MCUB: variants seen among roughly 807,000 people sequenced by gnomAD.
MCUB encodes the protein mitochondrial calcium uniporter dominant negative subunit beta.
A neutral mutation model predicts 41.4 loss-of-function variants in MCUB; 46 were observed. The ratio of observed to expected loss-of-function variants is 1.11; its 90% CI spans 0.88 to 1.42. The LOEUF (loss-of-function observed/expected upper bound fraction) is 1.42. Ranked by LOEUF, MCUB falls within the 40% of genes most tolerant of loss-of-function variation. The pLI is 0.00. For missense variants in MCUB, 403 were observed against 404.9 expected, an observed-to-expected ratio of 1.00 and a Z score of 0.04; for synonymous variants, 148 against 148.2, an observed-to-expected ratio of 1.00 and a Z score of 0.01.
At chr4:109,562,929 G>T (rs1353719319) in intron 1 of MCUB, among the ~76,000 whole-genome samples, 1 of 152,170 alleles carries the variant, frequency 6.6e-6, no homozygotes, top group Non-Finnish European at 1.5e-5. Context: ...GTTTTTTAAA[G>T]AACACATTTA....
intron 1 of MCUB, among the ~76,000 whole-genome samples, chr4:109,651,906 G>A (rs553770339): frequency 1.3e-5 from 2 of 152,230 alleles, no homozygotes; most frequent in South Asian, 2.1e-4. Flanking sequence ...TGTGGAGGCC[G>A]TCTTCATCCC....
chr4:109,679,787 T>TTTGTTGTTGTTG (rs377253519), intron 4 of MCUB, among the ~76,000 whole-genome samples: 32 of 151,674 alleles, frequency 2.1e-4, no homozygotes, highest in African/African-American at 7.8e-4. Context: ...GAGGTATAAT[T>TTTGTTGTTGTTG]TTGTTGTTGT....
chr4:109,635,194 G>A (rs967932276), intron 1 of MCUB, among the ~76,000 whole-genome samples: 3 of 152,116 alleles, frequency 2.0e-5, no homozygotes, highest in African/African-American at 7.2e-5. Flanking sequence ...TCTTTATCCA[G>A]TCTATCATTG....
At chr4:109,604,591 G>A (rs1014512961) in intron 1 of MCUB, among the ~76,000 whole-genome samples, 1 of 152,126 alleles carries the variant, frequency 6.6e-6, no homozygotes, top group African/African-American at 2.4e-5. Flanking sequence ...TCCTTGTCGT[G>A]TTCCAGATCC....
chr4:109,619,393 C>A (rs1728204241), intron 1 of MCUB, among the ~76,000 whole-genome samples: 3 of 152,018 alleles, frequency 2.0e-5, no homozygotes, highest in Admixed American at 2.0e-4. Flanking sequence ...AAACCTCTTT[C>A]TATGATGTGT....
rs528290642 is a variant in MCUB, at chr4:109,662,781, G to C, written c.347-1509G>C. On this transcript the variant is annotated intron_variant, in intron 3 of 7. Transcript: ENST00000394650. ...GTCATTTACATGTAAATTTTTAAAT[G>C]ACACTTGGAAAGATAAAGCGATTGG... is the stretch of plus-strand genomic sequence containing the variant. Among the ~76,000 whole-genome samples the C allele has an allele frequency of 2.0e-5, 3 of 152,154 alleles. No homozygotes were observed. The South Asian group carries it at 6.2e-4, about 32-fold the overall frequency.
intron 1 of MCUB, among the ~76,000 whole-genome samples, chr4:109,642,564 A>T (rs1054721704): frequency 6.6e-6 from 1 of 152,238 alleles, no homozygotes; most frequent in Non-Finnish European, 1.5e-5. Flanking sequence ...TAGGCAAATT[A>T]TGCTAGTCCC....
chr4:109,616,390 C>T (rs527247559), intron 1 of MCUB, among the ~76,000 whole-genome samples: 1 of 152,310 alleles, frequency 6.6e-6, no homozygotes, highest in South Asian at 2.1e-4. Context: ...AATTTCTTCA[C>T]AGTACCCTAC....
At chr4:109,566,885 TGTTA>T (rs1336208213) in intron 1 of MCUB, among the ~76,000 whole-genome samples, 1 of 152,104 alleles carries the variant, frequency 6.6e-6, no homozygotes, top group Non-Finnish European at 1.5e-5. Flanking sequence ...ATATAGCAGA[TGTTA>T]GTTAGATTAA....
At chr4:109,631,525 G>C (rs953100098) in intron 1 of MCUB, among the ~76,000 whole-genome samples, 2 of 152,136 alleles carry the variant, frequency 1.3e-5, no homozygotes, top group Non-Finnish European at 2.9e-5. Flanking sequence ...CACAATACAT[G>C]TTCGCAGGAT....
chr4:109,659,185 CA>C, intron 2 of MCUB, 99 bp downstream of exon 2: 1 of 748,234 alleles, frequency 1.3e-6, no homozygotes. Context: ...ACTTTTCTTA[CA>C]CTATCCCCAT....
intron 1 of MCUB, among the ~76,000 whole-genome samples, chr4:109,597,401 G>T (rs1579056983): frequency 2.4e-5 from 3 of 127,034 alleles, no homozygotes; most frequent in South Asian, 5.4e-4. Flanking sequence ...GCGGCTGGCC[G>T]GGCGGGGGGC....
chr4:109,569,140 G>T (rs369063241), intron 1 of MCUB, among the ~76,000 whole-genome samples: 1 of 152,040 alleles, frequency 6.6e-6, no homozygotes, highest in East Asian at 1.9e-4. Flanking sequence ...TCCGCCTCCC[G>T]GGTTCACGCC....
intron 1 of MCUB, among the ~76,000 whole-genome samples, chr4:109,620,829 A>T (rs1318358125): frequency 1.3e-5 from 2 of 152,006 alleles, no homozygotes; most frequent in Non-Finnish European, 2.9e-5. Flanking sequence ...CTACTTTTAC[A>T]GGTTATGGGA....
chr4:109,673,576 A>G lies in MCUB; in HGVS notation c.452-9006A>G, dbSNP rs377369503. Among the ~76,000 whole-genome samples, 9 of 152,360 alleles carry G rather than the reference A, an allele frequency of 5.9e-5. No individual in the cohort carries two copies. The East Asian group carries it at 1.5e-3, about 26-fold the overall frequency. ...AGCAGGTATAGTTAGAAGGAAAACAATGGCAGAGGAATCATACTGGATTAA... is the reference window on the plus strand; with the variant it reads ...AGCAGGTATAGTTAGAAGGAAAACAGTGGCAGAGGAATCATACTGGATTAA... On this transcript the variant is annotated intron_variant, in intron 4 of 7. Transcript: ENST00000394650.
At chr4:109,640,892 A>G (rs550533238) in intron 1 of MCUB, among the ~76,000 whole-genome samples, 26 of 152,304 alleles carry the variant, frequency 1.7e-4, no homozygotes, top group African/African-American at 5.5e-4. Flanking sequence ...CTTTCAGTCT[A>G]CCTCAGCTTT....
chr4:109,575,250 C>A (rs2126125489), intron 1 of MCUB, among the ~76,000 whole-genome samples: 1 of 152,336 alleles, frequency 6.6e-6, no homozygotes, highest in Middle Eastern at 3.4e-3. Flanking sequence ...TCCTTACCAT[C>A]TGCCTTCCCC....
Position 109,614,915 on chromosome 4 carries a change from C to T in MCUB, c.100-44096C>T, listed in dbSNP as rs117120629. Among the ~76,000 whole-genome samples, 555 of 152,204 alleles carry T rather than the reference C, an allele frequency of 3.6e-3. 6 individuals carry two copies. Among genetic ancestry groups the T allele is most frequent in the East Asian group, 0.015 (77 of 5,186 alleles). On this transcript the variant is annotated intron_variant, in intron 1 of 7. Coordinates refer to ENST00000394650, the MANE Select transcript of MCUB (RefSeq NM_017918.5). Reference sequence around the variant, plus strand: ...CTGGATGAACCCAACTGATACACAGCACAGAAAGCTTATCATTAGGCAGCA... The same window carrying T: ...CTGGATGAACCCAACTGATACACAGTACAGAAAGCTTATCATTAGGCAGCA...
intron 4 of MCUB, among the ~76,000 whole-genome samples, chr4:109,678,515 CGGT>C: frequency 1.6e-5 from 2 of 122,664 alleles, no homozygotes; most frequent in East Asian, 2.6e-4. Context: ...CCAGATGGGG[CGGT>C]GGCCGGGCAG....
Sources: gnomAD v4.1 joint callset for allele counts (sites outside exome capture counted in the v4.1 genomes callset) on GRCh38, gnomAD v4.1.1 for gene constraint, MANE v1.5 for transcripts, NCBI Gene and HGNC (gene_info 2026-07-23, HGNC 2026-07-21) for gene names.